The following DAB1 variants were observed in gnomAD, a reference collection of about 807,000 sequenced individuals.
DAB1 encodes the protein DAB adaptor protein 1.
In DAB1, 15 loss-of-function variants were observed where a neutral mutation model predicts 64.6. The ratio of observed to expected loss-of-function variants is 0.23; its 90% CI spans 0.16 to 0.36. DAB1 has a LOEUF of 0.36. DAB1 is among the 10% of genes least tolerant of loss of function. The pLI is 1.00. For synonymous variants in DAB1, 235 were observed against 251.9 expected (o/e 0.93, Z 0.64); for missense variants, 596 against 706.7 (o/e 0.84, Z 1.78).
At chr1:58,290,770 A>T (rs1193386787) in intron 4 of DAB1, among the ~76,000 whole-genome samples, 2 of 152,132 alleles carry the variant, frequency 1.3e-5, no homozygotes, top group East Asian at 1.9e-4. Flanking sequence ...ACTGGACAGG[A>T]TGCTTTCTCA....
chr1:57,522,390 T>C (rs1246377284), intron 7 of DAB1, among the ~76,000 whole-genome samples: 1 of 152,104 alleles, frequency 6.6e-6, no homozygotes, highest in Non-Finnish European at 1.5e-5. Context: ...GAAGCCCTGC[T>C]AGAAATAGAA....
intron 4 of DAB1, among the ~76,000 whole-genome samples, chr1:57,085,182 A>G (rs956661813): frequency 2.6e-4 from 39 of 152,290 alleles, no homozygotes; most frequent in African/African-American, 8.9e-4. Flanking sequence ...TGTTTCATCA[A>G]TGGTGAAATT....
intron 5 of DAB1, among the ~76,000 whole-genome samples, chr1:58,028,022 G>A (rs1646918816): frequency 6.6e-6 from 1 of 152,044 alleles, no homozygotes; most frequent in Non-Finnish European, 1.5e-5. Context: ...ATTTAAATAA[G>A]GTAGCTCATT....
At chr1:57,115,010 G>A (rs897292628) in intron 4 of DAB1, among the ~76,000 whole-genome samples, 4 of 152,100 alleles carry the variant, frequency 2.6e-5, no homozygotes, top group Non-Finnish European at 5.9e-5. Flanking sequence ...TGCATGTAAA[G>A]TGTGCAGTGC....
chr1:57,802,431 A>G (rs1467237135), intron 6 of DAB1, among the ~76,000 whole-genome samples: 1 of 152,190 alleles, frequency 6.6e-6, no homozygotes. Flanking sequence ...AAGGGGAAGG[A>G]GTGGACAGAG....
chr1:57,157,772 C>A (rs1466282024), intron 2 of DAB1, among the ~76,000 whole-genome samples: 1 of 152,100 alleles, frequency 6.6e-6, no homozygotes, highest in Admixed American at 6.5e-5. Context: ...AACATACGAT[C>A]CATAATGGGG....
chr1:57,379,826 TGAA>T (rs1558272758), intron 1 of DAB1, among the ~76,000 whole-genome samples: 2 of 152,280 alleles, frequency 1.3e-5, no homozygotes, highest in East Asian at 1.9e-4. Context: ...CCAACCTTCA[TGAA>T]GAAGAAGATC....
intron 2 of DAB1, among the ~76,000 whole-genome samples, chr1:57,290,302 C>G (rs1337235646): frequency 6.6e-6 from 1 of 152,052 alleles, no homozygotes; most frequent in Non-Finnish European, 1.5e-5. Flanking sequence ...GATTAAGAGT[C>G]CAGTGGTTCT....
intron 2 of DAB1, among the ~76,000 whole-genome samples, chr1:57,199,853 C>T (rs1231347382): frequency 6.6e-6 from 1 of 152,078 alleles, no homozygotes; most frequent in African/African-American, 2.4e-5. Flanking sequence ...GAGTAAGTAA[C>T]ACAAATGCAC....
chr1:57,440,934 A>G (rs2101132646), intron 7 of DAB1, among the ~76,000 whole-genome samples: 1 of 152,296 alleles, frequency 6.6e-6, no homozygotes, highest in South Asian at 2.1e-4. Flanking sequence ...GGTGTACAGC[A>G]TGATGCTGAG....
chr1:58,377,728 C>T lies in DAB1; in HGVS notation n.258-34325G>A, dbSNP rs927626601. Among the ~76,000 whole-genome samples the T allele has an allele frequency of 3.7e-4, 51 of 138,404 alleles. 2 individuals are homozygous for T. The highest frequency in any genetic ancestry group is 2.7e-4 in the Non-Finnish European group (17 of 62,864). The allele number at this position is 138,404 out of a possible 152,430, so 90.8% of individuals were successfully genotyped here. On this transcript the variant is annotated intron_variant and non_coding_transcript_variant, in intron 3 of 20. Transcript: ENST00000485760. Reference sequence around the variant, plus strand: ...TTTCCTGAATCTGAACGTTGGCCTGCCTTGCTAGATTGGGGAAGTTCTCCT... The same window carrying T: ...TTTCCTGAATCTGAACGTTGGCCTGTCTTGCTAGATTGGGGAAGTTCTCCT...
intron 1 of DAB1, among the ~76,000 whole-genome samples, chr1:57,407,312 A>G (rs1683721080): frequency 6.6e-6 from 1 of 152,238 alleles, no homozygotes; most frequent in Non-Finnish European, 1.5e-5. Context: ...GAGAGTTAGC[A>G]CAGGATGGCG....
At chr1:57,491,884 T>C (rs1644170257) in intron 7 of DAB1, among the ~76,000 whole-genome samples, 1 of 152,088 alleles carries the variant, frequency 6.6e-6, no homozygotes, top group South Asian at 2.1e-4. Context: ...GAACTAGAAC[T>C]TGAAAGTCAA....
chr1:58,114,410 C>CA (rs1242530234), intron 5 of DAB1, among the ~76,000 whole-genome samples: 4 of 152,186 alleles, frequency 2.6e-5, no homozygotes, highest in Non-Finnish European at 5.9e-5. Context: ...AAAATGTTGG[C>CA]AATGACCCTT....
intron 4 of DAB1, among the ~76,000 whole-genome samples, chr1:58,235,812 A>G (rs1660000204): frequency 6.6e-6 from 1 of 152,176 alleles, no homozygotes; most frequent in Non-Finnish European, 1.5e-5. Context: ...AGACCCAGTG[A>G]CTGCAGTCTG....
chr1:57,593,790 C>T (rs960897372), intron 7 of DAB1, among the ~76,000 whole-genome samples: 1 of 152,176 alleles, frequency 6.6e-6, no homozygotes, highest in Admixed American at 6.5e-5. Context: ...TCAGCTTTTG[C>T]TAAATAGCGA....
At chr1:58,295,735 T>C (rs960569868) in intron 4 of DAB1, among the ~76,000 whole-genome samples, 2 of 152,034 alleles carry the variant, frequency 1.3e-5, no homozygotes, top group Non-Finnish European at 2.9e-5. Flanking sequence ...TTGAATGACT[T>C]AGAGATTAAA....
chr1:58,247,266 C>CA (rs201090042), intron 4 of DAB1, among the ~76,000 whole-genome samples: 3 of 146,850 alleles, frequency 2.0e-5, no homozygotes, highest in African/African-American at 7.6e-5. Context: ...TTTCCCCCCC[C>CA]GCCAGGTTAA....
At chr1:58,371,193 T>C (rs1293999802) in intron 3 of DAB1, among the ~76,000 whole-genome samples, 2 of 152,142 alleles carry the variant, frequency 1.3e-5, no homozygotes, top group Admixed American at 1.3e-4. Context: ...GCTGAGGTGG[T>C]CTCAGATGGA....
Sources: allele counts gnomAD v4.1 joint callset (sites outside exome capture counted in the v4.1 genomes callset), GRCh38; gene constraint gnomAD v4.1.1; transcripts MANE v1.5; gene names NCBI Gene and HGNC (gene_info 2026-07-23, HGNC 2026-07-21).